Variants in CNTNAP2 observed in about 807,000 individuals in gnomAD.
CNTNAP2 encodes contactin associated protein 2.
A neutral mutation model predicts 155.2 loss-of-function variants in CNTNAP2; 98 were observed. The ratio of observed to expected loss-of-function variants is 0.63; its 90% CI spans 0.54 to 0.75. The LOEUF is 0.75. Ranked by LOEUF, CNTNAP2 falls within the 30% of genes least tolerant of loss-of-function variation. The pLI is 0.00. For synonymous variants in CNTNAP2, 651 were observed against 631.2 expected (o/e 1.03, Z -0.47); for missense variants, 1,727 against 1,688.1 (o/e 1.02, Z -0.40).
At position 146,973,551 on chromosome 7, in the gene CNTNAP2, C is replaced by A. The variant is rs570018345; in HGVS notation, c.403-70356C>A. ...TTGACTTTTAAGGATAATTAAAAAC[C>A]ATTAGGATAATAAACCTATGTTAAG... On this transcript the variant is annotated intron_variant, in intron 3 of 23. Transcript: ENST00000361727. 6.7e-4 allele frequency among the ~76,000 whole-genome samples: 102 copies of A among 152,238 alleles called. 1 individual carries two copies. Among genetic ancestry groups the A allele is most frequent in the African/African-American group, 2.3e-3 (94 of 41,526 alleles).
intron 20 of CNTNAP2, among the ~76,000 whole-genome samples, chr7:148,250,777 C>T (rs1796350910): frequency 6.6e-6 from 1 of 152,164 alleles, no homozygotes. Flanking sequence ...AGGAGTGAAC[C>T]ACCGTACCCG....
At chr7:146,299,070 G>A (rs564460207) in intron 1 of CNTNAP2, among the ~76,000 whole-genome samples, 1 of 151,624 alleles carries the variant, frequency 6.6e-6, no homozygotes, top group South Asian at 2.1e-4. Context: ...TCAGGAGCTC[G>A]AGACCAGCCT....
chr7:146,573,291 C>T (rs553847881), intron 1 of CNTNAP2, among the ~76,000 whole-genome samples: 167 of 152,152 alleles, frequency 1.1e-3, no homozygotes, highest in Non-Finnish European at 1.5e-3. Flanking sequence ...TACCAGTGCA[C>T]GCCACCATGC....
At chr7:148,379,995 T>C (rs1163023080) in intron 21 of CNTNAP2, among the ~76,000 whole-genome samples, 1 of 152,244 alleles carries the variant, frequency 6.6e-6, no homozygotes, top group African/African-American at 2.4e-5. Flanking sequence ...CATGAGCATT[T>C]CATTTTAACG....
At chr7:146,627,917 GT>G (rs1461650357) in intron 1 of CNTNAP2, among the ~76,000 whole-genome samples, 1 of 151,980 alleles carries the variant, frequency 6.6e-6, no homozygotes, top group African/African-American at 2.4e-5. Flanking sequence ...CAATTCCTCA[GT>G]TTTGTTCTAT....
chr7:146,649,124 A>G (rs543817278), intron 1 of CNTNAP2, among the ~76,000 whole-genome samples: 2 of 152,254 alleles, frequency 1.3e-5, no homozygotes, highest in African/African-American at 4.8e-5. Context: ...TTGGTAGATG[A>G]ATATTCTATG....
intron 20 of CNTNAP2, among the ~76,000 whole-genome samples, chr7:148,236,314 T>C (rs1464066457): frequency 6.6e-6 from 1 of 152,214 alleles, no homozygotes; most frequent in Non-Finnish European, 1.5e-5. Context: ...AATTTAAATG[T>C]TACCCGTGAG....
chr7:147,421,210 G>A (rs1375609664), intron 10 of CNTNAP2, among the ~76,000 whole-genome samples: 1 of 152,076 alleles, frequency 6.6e-6, no homozygotes, highest in African/African-American at 2.4e-5. Flanking sequence ...CATGTAAAAT[G>A]TTATTTTAAA....
At chr7:146,288,322 G>A (rs802528) in intron 1 of CNTNAP2, among the ~76,000 whole-genome samples, 4,620 of 149,262 alleles carry the variant, frequency 0.031, 247 homozygotes, top group African/African-American at 0.11. Flanking sequence ...AAAAAAATTT[G>A]TGTTTTCTTG....
intron 1 of CNTNAP2, among the ~76,000 whole-genome samples, chr7:146,329,296 A>T (rs946494129): frequency 1.3e-5 from 2 of 152,182 alleles, no homozygotes; most frequent in African/African-American, 4.8e-5. Context: ...TTTTAAAATA[A>T]CTTTAACCTA....
chr7:148,229,039 C>T (rs1054033153), intron 19 of CNTNAP2, among the ~76,000 whole-genome samples: 2 of 152,018 alleles, frequency 1.3e-5, no homozygotes, highest in Non-Finnish European at 1.5e-5. Flanking sequence ...AGGCATAATC[C>T]CAACTTGGAT....
intron 4 of CNTNAP2, among the ~76,000 whole-genome samples, chr7:147,073,001 C>T (rs1170668624): frequency 6.6e-5 from 10 of 151,178 alleles, no homozygotes; most frequent in African/African-American, 1.2e-4. Flanking sequence ...TACAGGCACC[C>T]GCCACCACGC....
chr7:147,173,507 A>G (rs1384168359), intron 8 of CNTNAP2, among the ~76,000 whole-genome samples: 1 of 152,178 alleles, frequency 6.6e-6, no homozygotes, highest in African/African-American at 2.4e-5. Context: ...TATAAAAACA[A>G]ATGGGGATCA....
At chr7:148,281,394 T>A (rs186695743) in intron 21 of CNTNAP2, among the ~76,000 whole-genome samples, 59 of 152,314 alleles carry the variant, frequency 3.9e-4, no homozygotes, top group African/African-American at 1.4e-3. Flanking sequence ...AAATAGTTAA[T>A]TGAAATTTCT....
chr7:146,546,094 G>A (rs1798025661), intron 1 of CNTNAP2, among the ~76,000 whole-genome samples: 1 of 151,846 alleles, frequency 6.6e-6, no homozygotes, highest in South Asian at 2.1e-4. Flanking sequence ...AGGAAACATG[G>A]GTGTTGAACT....
intron 21 of CNTNAP2, among the ~76,000 whole-genome samples, chr7:148,365,025 G>A (rs556400337): frequency 2.0e-4 from 30 of 152,230 alleles, no homozygotes; most frequent in Admixed American, 1.2e-3. Context: ...CTCCAGACGC[G>A]CCACCTTAAG....
At chr7:147,601,945 T>C (rs1800954952) in intron 12 of CNTNAP2, among the ~76,000 whole-genome samples, 2 of 152,098 alleles carry the variant, frequency 1.3e-5, no homozygotes, top group African/African-American at 4.8e-5. Context: ...CTGTGGTGTT[T>C]CCTACAGTCT....
intron 1 of CNTNAP2, among the ~76,000 whole-genome samples, chr7:146,258,690 A>G (rs2129081126): frequency 6.6e-6 from 1 of 152,320 alleles, no homozygotes; most frequent in South Asian, 2.1e-4. Context: ...ACCTGGTTCC[A>G]CAGTAACATA....
chr7:146,746,619 A>G (rs1801813851), intron 1 of CNTNAP2, among the ~76,000 whole-genome samples: 1 of 152,146 alleles, frequency 6.6e-6, no homozygotes, highest in Non-Finnish European at 1.5e-5. Context: ...CAAATATGAC[A>G]ATGATGAATA....
Sources: allele counts gnomAD v4.1 joint callset (sites outside exome capture counted in the v4.1 genomes callset), GRCh38; gene constraint gnomAD v4.1.1; transcripts MANE v1.5; gene names NCBI Gene and HGNC (gene_info 2026-07-23, HGNC 2026-07-21).